The following RBFOX1 variants were observed in gnomAD, a reference collection of about 807,000 sequenced individuals.
RBFOX1 encodes the protein RNA binding protein fox-1 homolog 1.
A neutral mutation model predicts 57.7 loss-of-function variants in RBFOX1; 8 were observed. The ratio of observed to expected loss-of-function variants is 0.14; its 90% confidence interval spans 0.08 to 0.25. The LOEUF is 0.25. RBFOX1 is among the 10% of genes least tolerant of loss of function. RBFOX1 has a pLI of 1.00. For synonymous variants in RBFOX1, 326 were observed against 222.4 expected (o/e 1.47, Z -4.15); for missense variants, 611 against 548.5 (o/e 1.11, Z -1.14).
Position 6,937,219 on chromosome 16 carries a change from A to G in RBFOX1, c.-15-114838A>G, listed in dbSNP as rs967781355. Among the ~76,000 whole-genome samples, 3 of 152,166 alleles carry G rather than the reference A, an allele frequency of 2.0e-5. No homozygotes were observed. In the South Asian group the frequency reaches 6.2e-4, roughly 32 times the overall value. On this transcript the variant is annotated intron_variant, in intron 3 of 15. Transcript: ENST00000550418. ...AACTATGTCTGTAAGAAATCAAAAT[A>G]GTATAATGAATCCCTGGGTACTCAG...
intron 3 of RBFOX1, chr16:5,610,721 T>G (rs900218630): frequency 1.3e-5 from 2 of 151,910 alleles, no homozygotes; most frequent in Non-Finnish European, 2.9e-5. Flanking sequence ...AATTAAAAAT[T>G]TAATGGCGTG....
At chr16:6,961,539 A>AT (rs959218410) in intron 3 of RBFOX1, among the ~76,000 whole-genome samples, 1 of 152,242 alleles carries the variant, frequency 6.6e-6, no homozygotes, top group Non-Finnish European at 1.5e-5. Context: ...AAGCAAGTTT[A>AT]TTAGACGAGC....
chr16:5,832,682 A>C (rs977334915), intron 3 of RBFOX1, among the ~76,000 whole-genome samples: 1 of 152,196 alleles, frequency 6.6e-6, no homozygotes, highest in Non-Finnish European at 1.5e-5. Context: ...AGCCTAATCC[A>C]TAAAATGTCC....
At chr16:6,910,990 C>T (rs1179110183) in intron 3 of RBFOX1, among the ~76,000 whole-genome samples, 2 of 152,006 alleles carry the variant, frequency 1.3e-5, no homozygotes, top group African/African-American at 2.4e-5. Context: ...CACTTGAGGT[C>T]AGGAGTTTGA....
At chr16:6,148,062 C>G (rs1404684214) in intron 1 of RBFOX1, among the ~76,000 whole-genome samples, 4 of 152,220 alleles carry the variant, frequency 2.6e-5, no homozygotes, top group Non-Finnish European at 5.9e-5. Flanking sequence ...GGCACGGTGG[C>G]TCAAGCCTGT....
At chr16:6,994,349 G>A (rs1027098258) in intron 3 of RBFOX1, among the ~76,000 whole-genome samples, 19 of 152,136 alleles carry the variant, frequency 1.2e-4, no homozygotes, top group Non-Finnish European at 2.8e-4. Context: ...TGATCTTAAA[G>A]TCCCAGGTGT....
Position 6,126,964 on chromosome 16 carries a change from A to G in RBFOX1, c.-127+106972A>G, listed in dbSNP as rs552715658. 2.3e-3 allele frequency among the ~76,000 whole-genome samples: 345 copies of G among 152,320 alleles called. 1 individual carries two copies. The highest frequency in any genetic ancestry group is 4.2e-3 in the Non-Finnish European group (285 of 68,032). On this transcript the variant is annotated intron_variant, in intron 1 of 15. Transcript: ENST00000550418. ...AAATCAATGTGGTTGTGAGATAAAA[A>G]ACAAGGAGGGTTTCATCGATATAGG...
intron 3 of RBFOX1, among the ~76,000 whole-genome samples, chr16:6,989,020 C>T (rs2090940872): frequency 6.6e-6 from 1 of 152,058 alleles, no homozygotes; most frequent in Non-Finnish European, 1.5e-5. Flanking sequence ...CCCTCGGACT[C>T]CCAAAGTGCT....
At chr16:5,407,891 A>C (rs1297456005) in intron 1 of RBFOX1, among the ~76,000 whole-genome samples, 2 of 152,200 alleles carry the variant, frequency 1.3e-5, no homozygotes, top group Non-Finnish European at 1.5e-5. Flanking sequence ...GAGGTGTTTA[A>C]GCAGCTGGTG....
At chr16:6,619,454 A>G (rs987883101) in intron 2 of RBFOX1, among the ~76,000 whole-genome samples, 2 of 152,182 alleles carry the variant, frequency 1.3e-5, no homozygotes, top group African/African-American at 4.8e-5. Context: ...CATCAATTAC[A>G]GTTCAATCAG....
Position 7,318,008 on chromosome 16 carries a change from C to T in RBFOX1, c.28-200139C>T, listed in dbSNP as rs140080801. 5.5e-4 allele frequency among the ~76,000 whole-genome samples: 82 copies of T among 150,270 alleles called. 2 individuals are homozygous for T. In the South Asian group the frequency reaches 0.011, roughly 20 times the overall value. ...ATAGTGGTGGTGACTGTGGTGGTGA[C>T]GGTAGCGATGATGGTGATGATGTGA... On this transcript the variant is annotated intron_variant, in intron 4 of 15. Transcript: ENST00000550418.
chr16:7,208,217 G>T (rs76209644), intron 4 of RBFOX1, among the ~76,000 whole-genome samples: 9 of 151,990 alleles, frequency 5.9e-5, no homozygotes, highest in Non-Finnish European at 8.8e-5. Context: ...ATCTATAATC[G>T]GCCAGATTGT....
intron 3 of RBFOX1, among the ~76,000 whole-genome samples, chr16:6,996,042 C>G (rs2092200611): frequency 6.6e-6 from 1 of 152,208 alleles, no homozygotes; most frequent in Non-Finnish European, 1.5e-5. Flanking sequence ...GATAACTGGT[C>G]CCCATGTTGA....
chr16:6,860,352 G>T (rs1032005174), intron 3 of RBFOX1, among the ~76,000 whole-genome samples: 7 of 152,260 alleles, frequency 4.6e-5, no homozygotes, highest in Non-Finnish European at 8.8e-5. Flanking sequence ...GGTAATATTT[G>T]GGAAGCATCT....
At chr16:7,126,006 C>T (rs2068433670) in intron 4 of RBFOX1, among the ~76,000 whole-genome samples, 1 of 152,144 alleles carries the variant, frequency 6.6e-6, no homozygotes, top group Non-Finnish European at 1.5e-5. Context: ...TCACTTGAAC[C>T]TGGGAGGCGG....
At chr16:5,470,657 T>C (rs2069104469) in intron 2 of RBFOX1, among the ~76,000 whole-genome samples, 1 of 151,952 alleles carries the variant, frequency 6.6e-6, no homozygotes, top group African/African-American at 2.4e-5. Flanking sequence ...TCATCTCTCT[T>C]TTTCTACCAT....
At chr16:6,244,212 G>A (rs1447949807) in intron 1 of RBFOX1, among the ~76,000 whole-genome samples, 1 of 151,358 alleles carries the variant, frequency 6.6e-6, no homozygotes, top group Non-Finnish European at 1.5e-5. Flanking sequence ...AACTAAAATG[G>A]AGATTTGGTT....
chr16:7,098,415 C>A (rs1213210981), intron 4 of RBFOX1, among the ~76,000 whole-genome samples: 2 of 152,180 alleles, frequency 1.3e-5, no homozygotes, highest in Admixed American at 1.3e-4. Context: ...AGTGATCCAC[C>A]TGCCTAGGCC....
intron 9 of RBFOX1, among the ~76,000 whole-genome samples, chr16:7,603,945 A>G (rs2095170936): frequency 2.0e-5 from 3 of 152,016 alleles, no homozygotes; most frequent in African/African-American, 7.2e-5. Flanking sequence ...GGAAGAGGAG[A>G]CAGTGAGAAT....
Sources: allele counts gnomAD v4.1 joint callset (sites outside exome capture counted in the v4.1 genomes callset), GRCh38; gene constraint gnomAD v4.1.1; transcripts MANE v1.5; gene names NCBI Gene and HGNC (gene_info 2026-07-23, HGNC 2026-07-21).